SUZ12: variants seen among roughly 807,000 people sequenced by gnomAD.
The protein encoded by SUZ12 is SUZ12 polycomb repressive complex 2 subunit.
Under a neutral mutation model 87.3 loss-of-function variants are expected in SUZ12, and 17 were observed. That is an observed-to-expected ratio of 0.19 (90% CI 0.13 to 0.29). The LOEUF (loss-of-function observed/expected upper bound fraction) is 0.29, where lower values mean the gene tolerates loss of function less well. Ranked by LOEUF, SUZ12 falls within the 10% of genes least tolerant of loss-of-function variation. SUZ12 has a pLI of 1.00. For synonymous variants in SUZ12, 253 were observed against 312.4 expected (o/e 0.81, Z 2.01); for missense variants, 526 against 912.2 (o/e 0.58, Z 5.45).
chr17:31,964,708 C>A (rs570149180), intron 4 of SUZ12, among the ~76,000 whole-genome samples: 2 of 152,250 alleles, frequency 1.3e-5, no homozygotes, highest in South Asian at 4.1e-4. Context: ...CCGGCCCACA[C>A]TGTAGTTTTT....
At chr17:31,963,988 A>G (rs1907926807) in intron 4 of SUZ12, 1 of 151,800 alleles carries the variant, frequency 6.6e-6, no homozygotes, top group East Asian at 1.9e-4. Context: ...ACTCTTCCAT[A>G]ATAATTTTGT....
intron 5 of SUZ12, among the ~76,000 whole-genome samples, chr17:31,968,641 C>G (rs189273928): frequency 1.3e-4 from 20 of 152,170 alleles, no homozygotes; most frequent in Admixed American, 1.1e-3. Context: ...TAGAAGTAAC[C>G]TGGGTAGCAT....
chr17:31,972,962 A>G lies in SUZ12; in HGVS notation c.506-184A>G, dbSNP rs200705645. On this transcript the variant is annotated intron_variant, in intron 5 of 15. Coordinates refer to ENST00000322652, the MANE Select transcript of SUZ12 (RefSeq NM_015355.4). ...TTTGTGAGTGGTTTATTTACACTAT[A>G]TATAAAGGCTTTTAAAGAGTTTGCT... is the stretch of plus-strand genomic sequence containing the variant. Among the ~76,000 whole-genome samples the G allele has an allele frequency of 7.0e-4, 106 of 151,364 alleles. No homozygotes were observed. In the East Asian group the frequency reaches 0.019, roughly 27 times the overall value.
At chr17:31,962,671 G>A (rs77485642) in intron 4 of SUZ12, among the ~76,000 whole-genome samples, 25,266 of 148,070 alleles carry the variant, frequency 0.17, no homozygotes, top group African/African-American at 0.32. Context: ...ACCGCAGCGA[G>A]TAAGTGGCAC....
chr17:31,939,624 A>G (rs1157747403), intron 1 of SUZ12, among the ~76,000 whole-genome samples: 1 of 151,898 alleles, frequency 6.6e-6, no homozygotes, highest in Admixed American at 6.6e-5. Flanking sequence ...CCCAGGTTCA[A>G]GTGATTCTCC....
At chr17:31,968,497 G>T (rs535899271) in intron 5 of SUZ12, among the ~76,000 whole-genome samples, 1 of 152,304 alleles carries the variant, frequency 6.6e-6, no homozygotes, top group South Asian at 2.1e-4. Context: ...CTCCCAAAGT[G>T]CGGGGATTAC....
intron 8 of SUZ12, among the ~76,000 whole-genome samples, chr17:31,979,849 A>G (rs1356471139): frequency 1.3e-5 from 2 of 152,080 alleles, no homozygotes; most frequent in Admixed American, 1.3e-4. Flanking sequence ...TTTAGCATTG[A>G]TTGATTATTT....
At position 31,998,725 on chromosome 17, in the gene SUZ12, A is replaced by G. The variant is rs1231911460; in HGVS notation, c.1942A>G (p.Ile648Val). 1 of 1,603,718 alleles carries G rather than the reference A, an allele frequency of 6.2e-7. No individual in the cohort carries two copies. Among genetic ancestry groups the G allele is most frequent in the Admixed American group, 1.7e-5 (1 of 58,296 alleles). ...TGTAGAAAATTATGGACAGAAAATA[A>G]TTAAGAAGAATTTATGTCGAAACTT... is the stretch of plus-strand genomic sequence containing the variant. ...LFVENYGQKIIKKNLCRNFML... is the reference protein window; with the variant it reads ...LFVENYGQKIVKKNLCRNFML... Residue 648 changes from isoleucine to valine, a missense_variant, in exon 16 of 16, where the codon ATT becomes GTT. This residue lies in a region of SUZ12 where 143 missense variants were observed against 321.6 expected (regional missense o/e 0.44). Transcript: ENST00000322652.
At chr17:31,938,085 G>A (rs1479389361) in intron 1 of SUZ12, among the ~76,000 whole-genome samples, 1 of 152,120 alleles carries the variant, frequency 6.6e-6, no homozygotes, top group East Asian at 1.9e-4. Context: ...GAGCCAGAGA[G>A]TGGTCAAGCA....
At position 31,975,682 on chromosome 17, in the gene SUZ12, A is replaced by G. The variant is rs558238907; in HGVS notation, c.792A>G (p.Gly264=). The G allele has an allele frequency of 4.3e-6, 7 of 1,612,940 alleles. No individual in the cohort carries two copies. The highest frequency in any genetic ancestry group is 2.7e-5 in the African/African-American group (2 of 74,996). Residue 264 remains glycine (G), a synonymous_variant, in exon 7 of 16, where the codon GGA becomes GGG. Transcript: ENST00000322652. ...VTRPGRREFN[G]MINGETNENI... ...GTCCAGGAAGAAGAGAGTTTAATGG[A>G]ATGATTAATGGAGAAACCAATGAAA...
chr17:31,994,109 A>T, intron 12 of SUZ12, 101 bp downstream of exon 12: 2 of 1,211,480 alleles, frequency 1.7e-6, no homozygotes, highest in Non-Finnish European at 2.2e-6. Context: ...AAATTAAAAA[A>T]GGGAAAAAAT....
At chr17:31,945,849 A>G (rs1317630947) in intron 3 of SUZ12, among the ~76,000 whole-genome samples, 2 of 152,204 alleles carry the variant, frequency 1.3e-5, no homozygotes, top group Admixed American at 1.3e-4. Flanking sequence ...ATCATTACAT[A>G]AACATTATTC....
chr17:31,981,514 CA>C, intron 8 of SUZ12, among the ~76,000 whole-genome samples: 1 of 152,226 alleles, frequency 6.6e-6, no homozygotes, highest in East Asian at 1.9e-4. Flanking sequence ...TGTACACCCA[CA>C]AAATGGAATA....
chr17:31,955,967 A>G (rs1330592717), intron 4 of SUZ12, among the ~76,000 whole-genome samples: 2 of 151,358 alleles, frequency 1.3e-5, no homozygotes, highest in Non-Finnish European at 2.9e-5. Context: ...GCTGGAGTGC[A>G]GTGGTGCGAT....
chr17:31,999,614 C>T lies in SUZ12; in HGVS notation c.*611C>T, dbSNP rs1483699446. 4.3e-6 allele frequency: 1 copy of T among 231,702 alleles called. No homozygotes were observed. Among genetic ancestry groups the T allele is most frequent in the Non-Finnish European group, 8.5e-6 (1 of 117,232 alleles). 14.4% of individuals were successfully genotyped at this position (231,702 alleles called of 1,614,324 possible). On this transcript the variant is annotated 3_prime_UTR_variant, in exon 16 of 16. Transcript: ENST00000322652. ...CTTTTACAATTAAAAAATAGCACTT[C>T]TTCATCTTATGCCTGTTTGAGAAGA... is the stretch of plus-strand genomic sequence containing the variant.
intron 12 of SUZ12, 111 bp from the exon 13 acceptor site, chr17:31,994,453 G>A: frequency 3.0e-6 from 3 of 989,522 alleles, no homozygotes; most frequent in East Asian, 2.9e-5. Flanking sequence ...TGGTGTGCCT[G>A]GCCTATTTTA....
chr17:31,963,981 C>T (rs1359905221), intron 4 of SUZ12: 2 of 152,118 alleles, frequency 1.3e-5, no homozygotes, highest in African/African-American at 4.8e-5. Context: ...TAGTTCTACT[C>T]TTCCATAATA....
In SUZ12 at chr17:31,998,787, T is replaced by C. The variant is rs1431442306; in HGVS notation, c.2004T>C (p.Leu668=). ...LHLVSMHDFN[L]ISIMSIDKAV... ...TAGTCAGCATGCATGACTTTAATCT[T>C]ATTAGCATAATGTCAATAGATAAAG... Residue 668 remains leucine, a synonymous_variant, in exon 16 of 16, where the codon CTT becomes CTC. Transcript: ENST00000322652. The C allele has an allele frequency of 1.2e-6, 2 of 1,613,162 alleles. No homozygotes were observed. The highest frequency in any genetic ancestry group is 2.2e-5 in the South Asian group (2 of 90,894).
intron 4 of SUZ12, among the ~76,000 whole-genome samples, chr17:31,959,539 A>G (rs1567819780): frequency 6.6e-6 from 1 of 152,232 alleles, no homozygotes; most frequent in Non-Finnish European, 1.5e-5. Flanking sequence ...ATAGGATGAA[A>G]TGTATATAAC....
Sources: allele counts gnomAD v4.1 joint callset (sites outside exome capture counted in the v4.1 genomes callset), GRCh38; gene constraint gnomAD v4.1.1; regional missense constraint gnomAD v4.1.1; transcripts MANE v1.5; gene names NCBI Gene and HGNC (gene_info 2026-07-23, HGNC 2026-07-21).